ARHGAP19: variants seen among roughly 807,000 people sequenced by gnomAD.
ARHGAP19 encodes the protein rho GTPase-activating protein 19.
Under a neutral mutation model 60.9 loss-of-function variants are expected in ARHGAP19, and 48 were observed. The observed-to-expected ratio is 0.79, with a 90% CI of 0.62 to 1.00. ARHGAP19 has a LOEUF of 1.00. Among genes scored for constraint, ARHGAP19 ranks in the 50% least tolerant of loss-of-function variants. The pLI is 0.00. For synonymous variants in ARHGAP19, 209 were observed against 215.5 expected (o/e 0.97, Z 0.27); for missense variants, 562 against 597.2 (o/e 0.94, Z 0.61).
intron 6 of ARHGAP19, among the ~76,000 whole-genome samples, chr10:97,253,825 C>T (rs150884617): frequency 1.3e-3 from 198 of 152,158 alleles, no homozygotes; most frequent in African/African-American, 4.5e-3. Context: ...TTGCTAAGAT[C>T]CACTATAAGA....
chr10:97,287,439 T>C (rs1417180240), intron 1 of ARHGAP19, among the ~76,000 whole-genome samples: 1 of 152,296 alleles, frequency 6.6e-6, no homozygotes, highest in East Asian at 1.9e-4. Flanking sequence ...GGCAGAGCAA[T>C]TTTTCCTTGT....
chr10:97,266,686 G>A (rs1842902880), intron 1 of ARHGAP19, among the ~76,000 whole-genome samples: 1 of 152,162 alleles, frequency 6.6e-6, no homozygotes, highest in Non-Finnish European at 1.5e-5. Context: ...TGACTGGGGA[G>A]GCCTCACAAT....
intron 4 of ARHGAP19, among the ~76,000 whole-genome samples, chr10:97,262,844 A>G (rs1016073883): frequency 1.3e-5 from 2 of 152,236 alleles, no homozygotes; most frequent in African/African-American, 4.8e-5. Flanking sequence ...CGTTGGGCAC[A>G]GTGGCTCATG....
At chr10:97,244,738 T>C (rs1228395424) in intron 7 of ARHGAP19, among the ~76,000 whole-genome samples, 2 of 152,104 alleles carry the variant, frequency 1.3e-5, no homozygotes, top group Admixed American at 6.6e-5. Context: ...CTGGTAACAA[T>C]GAATATTTGC....
At chr10:97,244,242 A>AAT in intron 7 of ARHGAP19, 83 bp from the exon 8 acceptor site, 1 of 1,154,054 alleles carries the variant, frequency 8.7e-7, no homozygotes, top group East Asian at 2.4e-5. Context: ...GGAACAAAAA[A>AAT]AGGGAGAGTG....
intron 1 of ARHGAP19, among the ~76,000 whole-genome samples, chr10:97,273,484 C>CT (rs11442502): frequency 0.54 from 49,821 of 92,692 alleles, 14,076 homozygotes; most frequent in East Asian, 0.69. Flanking sequence ...TTTCTGCTCT[C>CT]TTTTTTTTTT....
chr10:97,259,654 AG>A (rs748077917), intron 4 of ARHGAP19, 26 bp from the exon 5 acceptor site: 1 of 1,574,292 alleles, frequency 6.4e-7, no homozygotes, highest in South Asian at 1.1e-5. Flanking sequence ...GAATTTGCAA[AG>A]TGGGGAGAAA....
At chr10:97,273,504 T>TG (rs1842986742) in intron 1 of ARHGAP19, among the ~76,000 whole-genome samples, 1 of 147,350 alleles carries the variant, frequency 6.8e-6, no homozygotes, top group Non-Finnish European at 1.5e-5. Context: ...TTTTTTTTTT[T>TG]TTGAGACAGA....
intron 11 of ARHGAP19, among the ~76,000 whole-genome samples, chr10:97,226,608 C>T (rs1192670929): frequency 6.6e-6 from 1 of 152,188 alleles, no homozygotes; most frequent in Non-Finnish European, 1.5e-5. Context: ...CAGCACAAGG[C>T]ACTGTCATTT....
At chr10:97,239,579 T>C (rs1234476360) in intron 8 of ARHGAP19, among the ~76,000 whole-genome samples, 9 of 150,016 alleles carry the variant, frequency 6.0e-5, no homozygotes, top group Admixed American at 6.0e-4. Flanking sequence ...TGTGTGTGTG[T>C]GTGTGTGTGT....
At chr10:97,260,172 T>C (rs1842810789) in intron 4 of ARHGAP19, among the ~76,000 whole-genome samples, 1 of 151,230 alleles carries the variant, frequency 6.6e-6, no homozygotes, top group Non-Finnish European at 1.5e-5. Flanking sequence ...TGAATAGACA[T>C]TCCTTCAGAA....
At chr10:97,284,048 C>T (rs996990799) in intron 1 of ARHGAP19, among the ~76,000 whole-genome samples, 1 of 152,004 alleles carries the variant, frequency 6.6e-6, no homozygotes, top group African/African-American at 2.4e-5. Flanking sequence ...ATCTTCCCAC[C>T]TCATCCTCCC....
intron 1 of ARHGAP19, among the ~76,000 whole-genome samples, chr10:97,269,464 C>G (rs567342378): frequency 6.6e-6 from 1 of 152,250 alleles, no homozygotes; most frequent in South Asian, 2.1e-4. Flanking sequence ...TTTTTACACG[C>G]TAGGTTATTT....
At chr10:97,246,555 A>G (rs1251276509) in intron 6 of ARHGAP19, among the ~76,000 whole-genome samples, 6 of 152,312 alleles carry the variant, frequency 3.9e-5, no homozygotes, top group East Asian at 3.9e-4. Flanking sequence ...GAAGACACCA[A>G]TGTAGTTGTT....
chr10:97,259,048 C>T (rs1842792787), intron 5 of ARHGAP19, among the ~76,000 whole-genome samples: 1 of 152,174 alleles, frequency 6.6e-6, no homozygotes, highest in African/African-American at 2.4e-5. Flanking sequence ...AATTTTATAA[C>T]ATTTGATCTT....
chr10:97,270,674 T>G, intron 1 of ARHGAP19: 1 of 1,544,718 alleles, frequency 6.5e-7, no homozygotes, highest in Non-Finnish European at 8.7e-7. Context: ...TTCCCCTTGT[T>G]TGTTGTGACA....
chr10:97,244,334 T>C (rs1453851967), intron 7 of ARHGAP19, among the ~76,000 whole-genome samples, 175 bp from the exon 8 acceptor site: 2 of 152,024 alleles, frequency 1.3e-5, no homozygotes, highest in East Asian at 3.8e-4. Flanking sequence ...TTAATATAGG[T>C]TATATTAATA....
intron 6 of ARHGAP19, 62 bp from the exon 7 acceptor site, chr10:97,246,399 G>T: frequency 1.5e-6 from 2 of 1,321,784 alleles, no homozygotes; most frequent in Non-Finnish European, 2.2e-6. Context: ...ATTCTTTCAG[G>T]CCGCAAGGAC....
rs569233675 is a variant in ARHGAP19 at position 97,235,944 on chromosome 10, C to T, written c.1186-629G>A. Among the ~76,000 whole-genome samples the T allele has an allele frequency of 2.0e-5, 3 of 152,236 alleles. No homozygotes were observed. The East Asian group carries it at 5.8e-4, about 29-fold the overall frequency. On this transcript the variant is annotated intron_variant, in intron 8 of 11. Coordinates refer to ENST00000358531, the MANE Select transcript of ARHGAP19 (RefSeq NM_032900.6). ...AGTAATAATAATATAGCATTTAACT[C>T]TTCTACTCTTCTGCCTTTTCAGATT...
Sources: allele counts gnomAD v4.1 joint callset (sites outside exome capture counted in the v4.1 genomes callset), GRCh38; gene constraint gnomAD v4.1.1; transcripts MANE v1.5; gene names NCBI Gene and HGNC (gene_info 2026-07-23, HGNC 2026-07-21).